TNFSF4: variants seen among roughly 807,000 people sequenced by gnomAD.
TNFSF4 encodes the protein tumor necrosis factor ligand superfamily member 4.
TNFSF4 carries 4 observed loss-of-function variants against 7.3 expected under a neutral mutation model. The ratio of observed to expected loss-of-function variants is 0.55; its 90% CI spans 0.27 to 1.25. TNFSF4 has a LOEUF of 1.25. TNFSF4 is among the 50% of genes most tolerant of loss of function. The pLI is 0.12. For missense variants in TNFSF4, 181 were observed against 208.8 expected (o/e 0.87, Z 0.82); for synonymous variants, 76 against 83.7 (o/e 0.91, Z 0.50).
At chr1:173,239,959 A>G in the TNFSF4 span, among the ~76,000 whole-genome samples, 1 of 151,964 alleles carries the variant, frequency 6.6e-6, no homozygotes, top group African/African-American at 2.4e-5. Context: ...TTGAACTGGG[A>G]GGTGTAGGCT....
the TNFSF4 span, among the ~76,000 whole-genome samples, chr1:173,391,292 A>C: frequency 8.1e-6 from 1 of 122,816 alleles, no homozygotes; most frequent in Admixed American, 9.1e-5. Flanking sequence ...CTCCAGCTTC[A>C]AATTTCTCTT....
chr1:173,432,790 G>T, the TNFSF4 span, among the ~76,000 whole-genome samples: 1 of 151,722 alleles, frequency 6.6e-6, no homozygotes, highest in Non-Finnish European at 1.5e-5. Flanking sequence ...AATCTACCTT[G>T]TTCATGTAAA....
chr1:173,257,716 G>T, the TNFSF4 span, among the ~76,000 whole-genome samples: 1 of 152,312 alleles, frequency 6.6e-6, no homozygotes, highest in Non-Finnish European at 1.5e-5. Flanking sequence ...CATGGAATTA[G>T]GGTAGATTAT....
the TNFSF4 span, chr1:173,351,849 A>G: frequency 1.0e-5 from 6 of 601,880 alleles, no homozygotes; most frequent in South Asian, 1.0e-4. Context: ...GGCCAATGGC[A>G]CAACTGTCCA....
the TNFSF4 span, among the ~76,000 whole-genome samples, chr1:173,306,732 A>C: frequency 4.6e-5 from 7 of 151,826 alleles, no homozygotes; most frequent in African/African-American, 1.7e-4. Context: ...AGTCCTCTTT[A>C]GTGGAATCTC....
the TNFSF4 span, among the ~76,000 whole-genome samples, chr1:173,373,130 A>C: frequency 2.0e-5 from 3 of 152,262 alleles, no homozygotes; most frequent in Admixed American, 2.0e-4. Flanking sequence ...CCCATGCTGC[A>C]ATATGGAAAG....
chr1:173,223,248 C>T, the TNFSF4 span, among the ~76,000 whole-genome samples: 1 of 152,072 alleles, frequency 6.6e-6, no homozygotes, highest in Non-Finnish European at 1.5e-5. Flanking sequence ...ATGTAAAGTA[C>T]CTGGCATACA....
At chr1:173,352,573 G>C in the TNFSF4 span, among the ~76,000 whole-genome samples, 22 of 152,240 alleles carry the variant, frequency 1.4e-4, no homozygotes, top group South Asian at 4.4e-3. Context: ...TAGGGTGTGG[G>C]TCACAGAGAT....
the TNFSF4 span, among the ~76,000 whole-genome samples, chr1:173,212,994 C>T: frequency 6.6e-6 from 1 of 152,060 alleles, no homozygotes; most frequent in African/African-American, 2.4e-5. Context: ...TTGAATTTGC[C>T]TGCAATAGAG....
the TNFSF4 span, among the ~76,000 whole-genome samples, chr1:173,403,942 T>C: frequency 6.6e-6 from 1 of 151,892 alleles, no homozygotes; most frequent in Non-Finnish European, 1.5e-5. Flanking sequence ...TCATTTTGTG[T>C]TTGTTTGTTT....
the TNFSF4 span, among the ~76,000 whole-genome samples, chr1:173,447,615 T>A: frequency 6.6e-6 from 1 of 151,742 alleles, no homozygotes; most frequent in Admixed American, 6.6e-5. Context: ...GTGAAAAAAA[T>A]ACACTGTGTG....
At chr1:173,370,817 TCAGA>T in the TNFSF4 span, among the ~76,000 whole-genome samples, 3 of 152,164 alleles carry the variant, frequency 2.0e-5, no homozygotes, top group Non-Finnish European at 4.4e-5. Flanking sequence ...GTCATGGCCC[TCAGA>T]CAAACAAACC....
chr1:173,383,759 G>A, the TNFSF4 span, among the ~76,000 whole-genome samples: 1 of 152,048 alleles, frequency 6.6e-6, no homozygotes, highest in Non-Finnish European at 1.5e-5. Flanking sequence ...CAGGGACTGG[G>A]ACCACAGGGG....
the TNFSF4 span, among the ~76,000 whole-genome samples, chr1:173,323,996 C>T: frequency 7.9e-5 from 12 of 152,182 alleles, no homozygotes; most frequent in Non-Finnish European, 1.8e-4. Context: ...CATTCACATT[C>T]AGGAAATACA....
chr1:173,417,819 T>C, the TNFSF4 span: 1 of 152,246 alleles, frequency 6.6e-6, no homozygotes, highest in Non-Finnish European at 1.5e-5. Flanking sequence ...TTCAGCTTTA[T>C]TACTTCCTCT....
At chr1:173,290,817 ACCACATGCCTGG>A in the TNFSF4 span, among the ~76,000 whole-genome samples, 2 of 152,176 alleles carry the variant, frequency 1.3e-5, no homozygotes, top group Admixed American at 6.6e-5. Context: ...TCGAAGACCA[ACCACATGCCTGG>A]CCACAAAGCA....
chr1:173,228,667 G>A, the TNFSF4 span, among the ~76,000 whole-genome samples: 4 of 152,150 alleles, frequency 2.6e-5, no homozygotes, highest in South Asian at 2.1e-4. Flanking sequence ...TCGCAAAGAA[G>A]CTTAAAAACC....
chr1:173,242,514 G>A, the TNFSF4 span, among the ~76,000 whole-genome samples: 2 of 152,208 alleles, frequency 1.3e-5, no homozygotes, highest in Non-Finnish European at 2.9e-5. Flanking sequence ...TCATTCTCCT[G>A]TGGTGGGCAG....
At chr1:173,433,739 G>A in the TNFSF4 span, among the ~76,000 whole-genome samples, 16 of 152,008 alleles carry the variant, frequency 1.1e-4, no homozygotes, top group East Asian at 3.9e-4. Context: ...CTCAACTTTC[G>A]ATCCACCACA....
Sources: allele counts gnomAD v4.1 joint callset (sites outside exome capture counted in the v4.1 genomes callset), GRCh38; gene constraint gnomAD v4.1.1; transcripts MANE v1.5; gene names NCBI Gene and HGNC (gene_info 2026-07-23, HGNC 2026-07-21).